The following CCDC82 variants were observed in gnomAD, a reference collection of about 807,000 sequenced individuals.
CCDC82 encodes coiled-coil domain-containing protein 82.
A neutral mutation model predicts 60.6 loss-of-function variants in CCDC82; 47 were observed. The observed-to-expected ratio is 0.77, with a 90% CI of 0.61 to 0.99. The LOEUF (loss-of-function observed/expected upper bound fraction) is 0.99, where lower values mean the gene tolerates loss of function less well. CCDC82 is among the 50% of genes least tolerant of loss of function. The pLI, the probability that CCDC82 is intolerant of heterozygous loss-of-function variation, is 0.00. For synonymous variants in CCDC82, 212 were observed against 207.4 expected (o/e 1.02, Z -0.19); for missense variants, 588 against 633.0 (o/e 0.93, Z 0.76).
At chr11:96,357,445 G>C (rs1266572366) in intron 9 of CCDC82, 3 of 984,776 alleles carry the variant, frequency 3.0e-6, no homozygotes, top group African/African-American at 3.5e-5. Context: ...GAAAGCCTAA[G>C]CTCCTTTCTT....
intron 2 of CCDC82, chr11:96,386,673 C>T (rs1486650634): frequency 6.6e-6 from 1 of 152,146 alleles, no homozygotes; most frequent in Non-Finnish European, 1.5e-5. Context: ...CAGGCATGAG[C>T]CATTGCCCAA....
chr11:96,371,169 T>C (rs1377167957), intron 6 of CCDC82, 32 bp from the exon 7 acceptor site: 13 of 1,433,246 alleles, frequency 9.1e-6, no homozygotes, highest in Admixed American at 5.1e-5. Flanking sequence ...AAAAAAATCA[T>C]TTTGTTAATT....
chr11:96,384,013 T>C lies in CCDC82; in HGVS notation c.735A>G (p.Glu245=). 3 of 1,613,424 alleles carry C rather than the reference T, an allele frequency of 1.9e-6. No individual in the cohort carries two copies. Among genetic ancestry groups the C allele is most frequent in the Non-Finnish European group, 2.5e-6 (3 of 1,179,620 alleles). Residue 245 remains glutamate, a synonymous_variant, in exon 4 of 10, where the codon GAA becomes GAG. Transcript: ENST00000646818. ...TCTGACGAGATCTTTGTTTTGAGAG[T>C]TCTTTGAGCTTCTGAAGTTTTTCTC... is the stretch of plus-strand genomic sequence containing the variant. ...QKREKLQKLK[E]LSKQRSRQRR... is the part of the protein sequence containing the mutation.
In CCDC82 at chr11:96,377,610, T is replaced by C. The variant is rs180806002; in HGVS notation, c.992-4143A>G. ...TTTTCTTAAAAGCCAGGTATGGACATTGAATGTTACCAATGTTTCTCCTAG... is the reference window on the plus strand; with the variant it reads ...TTTTCTTAAAAGCCAGGTATGGACACTGAATGTTACCAATGTTTCTCCTAG... On this transcript the variant is annotated intron_variant, in intron 5 of 9. Transcript: ENST00000646818. Among the ~76,000 whole-genome samples the C allele has an allele frequency of 2.4e-3, 361 of 152,238 alleles. 4 individuals carry two copies. The highest frequency in any genetic ancestry group is 3.1e-3 in the South Asian group (15 of 4,830).
At chr11:96,385,537 A>C (rs1168226896) in intron 3 of CCDC82, 1 of 152,238 alleles carries the variant, frequency 6.6e-6, no homozygotes, top group African/African-American at 2.4e-5. Context: ...GAGAGATAAT[A>C]TATCCACTAA....
chr11:96,376,599 T>C (rs1487090168), intron 5 of CCDC82, among the ~76,000 whole-genome samples: 1 of 152,028 alleles, frequency 6.6e-6, no homozygotes, highest in Non-Finnish European at 1.5e-5. Flanking sequence ...GGCTAATTTT[T>C]GTACTTTTAG....
chr11:96,357,326 GA>G lies in CCDC82; in HGVS notation c.1566+1666del, dbSNP rs369896227. On this transcript the variant is annotated intron_variant, in intron 9 of 9. Transcript: ENST00000646818. ...TGAAGGTCTTTGGTATTTTCATGGGGAAAAAAATGTGTATACTGTCCTAGAC... is the reference window on the plus strand; with the variant it reads ...TGAAGGTCTTTGGTATTTTCATGGGGAAAAAATGTGTATACTGTCCTAGAC... 1.7e-4 allele frequency: 163 copies of G among 985,154 alleles called. No individual in the cohort carries two copies. In the East Asian group the frequency reaches 3.2e-3, roughly 19 times the overall value. The allele number at this position is 985,154 out of a possible 1,614,324, so 61.0% of individuals were successfully genotyped here.
chr11:96,376,331 ATTACC>A (rs1263158841), intron 5 of CCDC82, among the ~76,000 whole-genome samples: 9 of 151,692 alleles, frequency 5.9e-5, no homozygotes, highest in African/African-American at 2.2e-4. Flanking sequence ...TTCTACGCAT[ATTACC>A]TTTCAGAAAC....
rs1864675556 is a variant in CCDC82, at chr11:96,361,803, G to T, written c.1381-2625C>A. Among the ~76,000 whole-genome samples the T allele has an allele frequency of 2.0e-5, 3 of 152,062 alleles. 1 individual carries two copies. Among genetic ancestry groups the T allele is most frequent in the Admixed American group, 2.0e-4 (3 of 15,284 alleles). ...TTAAATGTCCAGAAAAATATATTTA[G>T]AACAACTGTAATTATCTAGTTCAAT... On this transcript the variant is annotated intron_variant, in intron 8 of 9. Coordinates refer to ENST00000646818, the MANE Select transcript of CCDC82 (RefSeq NM_024725.4).
At position 96,383,270 on chromosome 11, in the gene CCDC82, A is replaced by C. The variant is rs1243456144; in HGVS notation, c.990T>G (p.Leu330=). Residue 330 remains leucine, a splice_region_variant and synonymous_variant, in exon 5 of 10, where the codon CTT becomes CTG. Coordinates refer to ENST00000646818, the MANE Select transcript of CCDC82 (RefSeq NM_024725.4). ...ACATTTTCTTAATATTGAACTTACA[A>C]AGAGAATTCTGTTTTACTAATTTCA... ...SQLKLVKQNS[L]YSFSDHYTHF... The C allele has an allele frequency of 1.3e-6, 2 of 1,494,924 alleles. No individual in the cohort carries two copies. The highest frequency in any genetic ancestry group is 2.3e-5 in the South Asian group (2 of 88,522). The allele number at this position is 1,494,924 out of a possible 1,614,324, so 92.6% of individuals were successfully genotyped here. A position where few individuals can be genotyped will look rare whatever the true frequency, so the allele number is the denominator to read the frequency against.
At chr11:96,381,206 G>A (rs1305588531) in intron 5 of CCDC82, 1 of 151,544 alleles carries the variant, frequency 6.6e-6, no homozygotes, top group Non-Finnish European at 1.5e-5. Flanking sequence ...GCATCTCTCA[G>A]CAAATGTTCC....
In CCDC82 at chr11:96,373,406, A is replaced by G; in HGVS notation, c.1053T>C (p.Ala351=). ...ERVVKALLIN[A]LDESFLGTLY... ...ATGTTCCCAGAAAAGATTCATCTAA[A>G]GCGTTGATCAGAAGAGCCTTCACAA... The change falls in exon 6 of 10, where the codon GCT becomes GCC. Residue 351 remains alanine (A), a synonymous_variant. Transcript: ENST00000646818. 1 of 1,608,922 alleles carries G rather than the reference A, an allele frequency of 6.2e-7. No homozygotes were observed. Among genetic ancestry groups the G allele is most frequent in the Non-Finnish European group, 8.5e-7 (1 of 1,176,302 alleles).
chr11:96,367,694 G>C (rs1485631141), intron 7 of CCDC82, among the ~76,000 whole-genome samples: 17 of 151,974 alleles, frequency 1.1e-4, no homozygotes, highest in Admixed American at 1.1e-3. Flanking sequence ...CTTCTCTCAT[G>C]AATCATAAAT....
At chr11:96,386,571 T>G (rs1866209836) in intron 2 of CCDC82, 1 of 152,198 alleles carries the variant, frequency 6.6e-6, no homozygotes, top group Admixed American at 6.5e-5. Context: ...TATGTTTCGA[T>G]TTTTAAATTT....
At position 96,361,488 on chromosome 11, in the gene CCDC82, TC is replaced by T. The variant is rs1329522646; in HGVS notation, c.1381-2311del. Among the ~76,000 whole-genome samples, 5 of 152,208 alleles carry T rather than the reference TC, an allele frequency of 3.3e-5. No individual in the cohort carries two copies. The East Asian group carries it at 9.6e-4, about 29-fold the overall frequency. ...TAAATCAAAAATTACCTTAAAATGT[TC>T]TTGTATTTTTTCCCAAAATATGATC... On this transcript the variant is annotated intron_variant, in intron 8 of 9. Coordinates refer to ENST00000646818, the MANE Select transcript of CCDC82 (RefSeq NM_024725.4).
Position 96,353,562 on chromosome 11 carries a change from A to T in CCDC82, c.*84T>A. 1 of 1,052,890 alleles carries T rather than the reference A, an allele frequency of 9.5e-7. No individual in the cohort carries two copies. The highest frequency in any genetic ancestry group is 1.5e-6 in the Non-Finnish European group (1 of 687,086). 65.2% of individuals were successfully genotyped at this position (1,052,890 alleles called of 1,614,324 possible). The stretch of plus-strand genomic sequence containing the variant: ...CCATGAAGATATAGATAAAATGTAC[A>T]AACATGTCACATGATACAGAAAAAC... On this transcript the variant is annotated 3_prime_UTR_variant, in exon 10 of 10. Coordinates refer to ENST00000646818, the MANE Select transcript of CCDC82 (RefSeq NM_024725.4).
chr11:96,355,760 C>T (rs1375510633), intron 9 of CCDC82: 2 of 152,112 alleles, frequency 1.3e-5, no homozygotes, highest in African/African-American at 2.4e-5. Flanking sequence ...TATTACTCTG[C>T]CATCCTCTCT....
chr11:96,378,975 T>C (rs1263912990), intron 5 of CCDC82, among the ~76,000 whole-genome samples: 2 of 151,964 alleles, frequency 1.3e-5, no homozygotes, highest in East Asian at 3.8e-4. Flanking sequence ...TAGGTAAGAA[T>C]TGCTCACTTC....
chr11:96,358,971 G>T, intron 9 of CCDC82, 22 bp downstream of exon 9: 2 of 1,569,124 alleles, frequency 1.3e-6, no homozygotes, highest in Middle Eastern at 1.7e-4. Context: ...TACATGATAA[G>T]ATTCTCATAT....
Sources: gnomAD v4.1 joint callset for allele counts (sites outside exome capture counted in the v4.1 genomes callset) on GRCh38, gnomAD v4.1.1 for gene constraint, MANE v1.5 for transcripts, NCBI Gene and HGNC (gene_info 2026-07-23, HGNC 2026-07-21) for gene names.